The following COX16 variants were observed in gnomAD, a reference collection of about 807,000 sequenced individuals.
COX16 encodes the protein cytochrome c oxidase assembly factor COX16.
A neutral mutation model predicts 15.4 loss-of-function variants in COX16; 12 were observed. That is an observed-to-expected ratio of 0.78 (90% CI 0.50 to 1.26). COX16 has a LOEUF of 1.26. Ranked by LOEUF, COX16 falls within the 50% of genes most tolerant of loss-of-function variation. COX16 has a pLI of 0.00. For synonymous variants in COX16, 46 were observed against 41.1 expected, an observed-to-expected ratio of 1.12 and a Z score of -0.46; for missense variants, 124 against 127.6, an observed-to-expected ratio of 0.97 and a Z score of 0.14.
At chr14:70,332,365 G>A (rs537678944) in intron 2 of COX16, among the ~76,000 whole-genome samples, 87 of 152,102 alleles carry the variant, frequency 5.7e-4, no homozygotes, top group Middle Eastern at 3.4e-3. Flanking sequence ...GGGGCCCAGC[G>A]TCAGCTGCAG....
chr14:70,349,884 A>G (rs778713957), intron 1 of COX16, among the ~76,000 whole-genome samples: 2 of 152,108 alleles, frequency 1.3e-5, no homozygotes, highest in African/African-American at 4.8e-5. Flanking sequence ...TCCTCTCAAC[A>G]TAACTGTCTT....
intron 3 of COX16, 96 bp downstream of exon 3, chr14:70,329,078 T>G: frequency 8.8e-7 from 1 of 1,139,502 alleles, no homozygotes. Flanking sequence ...ACCATATATA[T>G]TCAACGTAAT....
chr14:70,327,634 T>A (rs891116878), intron 3 of COX16, among the ~76,000 whole-genome samples: 1 of 152,222 alleles, frequency 6.6e-6, no homozygotes, highest in African/African-American at 2.4e-5. Context: ...AGTATAGTTA[T>A]GAAATGATCT....
In COX16 at chr14:70,342,808, A is replaced by G. The variant is rs572646695; in HGVS notation, c.70-79T>C. 1.8e-4 allele frequency: 261 copies of G among 1,488,058 alleles called. 5 individuals are homozygous for G. The Middle Eastern group carries it at 8.8e-3, about 50-fold the overall frequency. 92.2% of individuals were successfully genotyped at this position (1,488,058 alleles called of 1,614,324 possible). Reference sequence around the variant, plus strand: ...CAGCCTATCTATAGATTGCTTTTCTAAACAACAATAGAGGCACATTATACA... The same window carrying G: ...CAGCCTATCTATAGATTGCTTTTCTGAACAACAATAGAGGCACATTATACA... On this transcript the variant is annotated intron_variant, in intron 1 of 3. Coordinates refer to ENST00000389912, the MANE Select transcript of COX16 (RefSeq NM_016468.7).
chr14:70,339,477 C>A (rs1367909422), intron 2 of COX16, among the ~76,000 whole-genome samples: 1 of 152,022 alleles, frequency 6.6e-6, no homozygotes, highest in Admixed American at 6.6e-5. Context: ...TTGGTCACCC[C>A]AAATCCATAT....
intron 1 of COX16, among the ~76,000 whole-genome samples, chr14:70,357,178 A>C (rs1359540788): frequency 1.3e-5 from 2 of 149,748 alleles, no homozygotes; most frequent in South Asian, 2.1e-4. Flanking sequence ...AAAAAAAAAA[A>C]AAAAAAAAAA....
At chr14:70,327,472 A>AAGTT (rs1240181238) in intron 3 of COX16, among the ~76,000 whole-genome samples, 1 of 151,598 alleles carries the variant, frequency 6.6e-6, no homozygotes, top group Non-Finnish European at 1.5e-5. Flanking sequence ...ACAAGTTAGC[A>AAGTT]AGTTACAGGA....
At chr14:70,331,282 A>G (rs1323796159) in intron 2 of COX16, among the ~76,000 whole-genome samples, 5 of 152,190 alleles carry the variant, frequency 3.3e-5, no homozygotes, top group Admixed American at 2.6e-4. Flanking sequence ...CTGGGATTAC[A>G]GGTGTGAGCC....
chr14:70,325,235 A>C lies in COX16; in HGVS notation c.*1098T>G, dbSNP rs1886029340. The C allele has an allele frequency of 6.6e-6, 1 of 152,224 alleles. No homozygotes were observed. The highest frequency in any genetic ancestry group is 2.4e-5 in the African/African-American group (1 of 41,466). 9.4% of individuals were successfully genotyped at this position (152,224 alleles called of 1,614,324 possible). A position where few individuals can be genotyped will look rare whatever the true frequency, so the allele number is the denominator to read the frequency against. On this transcript the variant is annotated 3_prime_UTR_variant, in exon 4 of 4. Transcript: ENST00000389912. Reference sequence around the variant, plus strand: ...GGCAACTAGAACTCAGCATGAAACCAGAAGGTAGAAGCTGATAAAGGCAGG... The same window carrying C: ...GGCAACTAGAACTCAGCATGAAACCCGAAGGTAGAAGCTGATAAAGGCAGG...
At chr14:70,329,080 C>T in intron 3 of COX16, 94 bp downstream of exon 3, 2 of 1,159,864 alleles carry the variant, frequency 1.7e-6, no homozygotes, top group Non-Finnish European at 2.4e-6. Flanking sequence ...CATATATATT[C>T]AACGTAATTT....
chr14:70,343,839 G>A (rs934616792), intron 1 of COX16, among the ~76,000 whole-genome samples: 1 of 152,304 alleles, frequency 6.6e-6, no homozygotes, highest in East Asian at 1.9e-4. Flanking sequence ...TCAAGACAGG[G>A]GAATTACAAT....
chr14:70,354,100 C>G (rs1390896992), intron 1 of COX16, among the ~76,000 whole-genome samples: 5 of 151,700 alleles, frequency 3.3e-5, no homozygotes, highest in Non-Finnish European at 5.9e-5. Flanking sequence ...TCACTTGAGG[C>G]CAGGAGTTTA....
intron 2 of COX16, among the ~76,000 whole-genome samples, chr14:70,335,785 T>G (rs1886434295): frequency 6.6e-6 from 1 of 152,208 alleles, no homozygotes; most frequent in Non-Finnish European, 1.5e-5. Flanking sequence ...AAAAGCTTGC[T>G]GATCCCTGAC....
chr14:70,344,153 G>A (rs1886706103), intron 1 of COX16, among the ~76,000 whole-genome samples: 1 of 152,224 alleles, frequency 6.6e-6, no homozygotes, highest in South Asian at 2.1e-4. Flanking sequence ...CTCAAGAACT[G>A]ATGTTAGGTT....
intron 1 of COX16, chr14:70,359,318 G>GT (rs1887226287): frequency 3.0e-6 from 2 of 656,930 alleles, no homozygotes; most frequent in Non-Finnish European, 5.6e-6. Context: ...CCAACCGGGA[G>GT]TGGGGGACAG....
In COX16 at chr14:70,358,384, T is replaced by A. The variant is rs777833784; in HGVS notation, c.69+1135A>T. ...CTAAAAACAACAATTTTTTTTTTTT[T>A]TTTTTTTTTTGGAGAGACAGAGGTC... On this transcript the variant is annotated intron_variant, in intron 1 of 3. Coordinates refer to ENST00000389912, the MANE Select transcript of COX16 (RefSeq NM_016468.7). 7.3e-4 allele frequency among the ~76,000 whole-genome samples: 108 copies of A among 147,348 alleles called. 1 individual carries two copies. The highest frequency in any genetic ancestry group is 1.6e-3 in the East Asian group (8 of 5,094).
In COX16 at chr14:70,325,983, A is replaced by T. The variant is rs568405869; in HGVS notation, c.*350T>A. The T allele has an allele frequency of 6.5e-6, 1 of 154,090 alleles. No homozygotes were observed. The highest frequency in any genetic ancestry group is 2.4e-5 in the African/African-American group (1 of 41,636). 9.5% of individuals were successfully genotyped at this position (154,090 alleles called of 1,614,324 possible). On this transcript the variant is annotated 3_prime_UTR_variant, in exon 4 of 4. Transcript: ENST00000389912. ...GGAATCAGAAATCAGAGAATCAGAA[A>T]TCAGAATGAAATATCAAAATGATGC...
At chr14:70,332,461 G>A (rs1886319949) in intron 2 of COX16, among the ~76,000 whole-genome samples, 1 of 152,188 alleles carries the variant, frequency 6.6e-6, no homozygotes, top group African/African-American at 2.4e-5. Context: ...ACAAGATCCA[G>A]CTCTCTAGCC....
intron 3 of COX16, among the ~76,000 whole-genome samples, chr14:70,327,364 A>G (rs1221017112): frequency 6.6e-6 from 1 of 151,994 alleles, no homozygotes; most frequent in East Asian, 1.9e-4. Flanking sequence ...GAGAGTCTTC[A>G]GCTCTCAAAT....
Sources: allele counts gnomAD v4.1 joint callset (sites outside exome capture counted in the v4.1 genomes callset), GRCh38; gene constraint gnomAD v4.1.1; transcripts MANE v1.5; gene names NCBI Gene and HGNC (gene_info 2026-07-23, HGNC 2026-07-21).